CREB5: variants seen among roughly 807,000 people sequenced by gnomAD.
CREB5 encodes the protein cAMP responsive element binding protein 5.
Under a neutral mutation model 57.1 loss-of-function variants are expected in CREB5, and 19 were observed. The ratio of observed to expected loss-of-function variants is 0.33; its 90% CI spans 0.23 to 0.49. CREB5 has a LOEUF of 0.49. CREB5 is among the 20% of genes least tolerant of loss of function. The pLI is 0.99. For synonymous variants in CREB5, 238 were observed against 238.3 expected (o/e 1.00, Z 0.01); for missense variants, 579 against 671.6 (o/e 0.86, Z 1.52).
At chr7:28,451,150 G>A (rs963911174) in intron 1 of CREB5, among the ~76,000 whole-genome samples, 1 of 152,150 alleles carries the variant, frequency 6.6e-6, no homozygotes, top group Non-Finnish European at 1.5e-5. Context: ...GTGCGCAAAG[G>A]GAAGTAGAAG....
chr7:28,595,417 T>C (rs1796661217), intron 5 of CREB5, among the ~76,000 whole-genome samples: 1 of 152,198 alleles, frequency 6.6e-6, no homozygotes, highest in African/African-American at 2.4e-5. Context: ...AGGTTCTTCA[T>C]ATATAAATGA....
At chr7:28,683,711 A>G (rs1398635498) in intron 5 of CREB5, among the ~76,000 whole-genome samples, 1 of 152,062 alleles carries the variant, frequency 6.6e-6, no homozygotes, top group African/African-American at 2.4e-5. Flanking sequence ...TGAAGCTATC[A>G]TCTCCTTTGT....
intron 1 of CREB5, among the ~76,000 whole-genome samples, chr7:28,380,778 AC>A (rs1184583159): frequency 6.6e-6 from 1 of 152,202 alleles, no homozygotes; most frequent in Non-Finnish European, 1.5e-5. Context: ...TCAATGGCCC[AC>A]ATAATTTTTT....
intron 1 of CREB5, among the ~76,000 whole-genome samples, chr7:28,442,057 T>A (rs984536770): frequency 6.6e-6 from 1 of 152,058 alleles, no homozygotes; most frequent in African/African-American, 2.4e-5. Flanking sequence ...TCCTAACTCT[T>A]TGTTAACCCA....
intron 2 of CREB5, among the ~76,000 whole-genome samples, chr7:28,489,304 T>C (rs906542593): frequency 7.0e-6 from 1 of 142,278 alleles, no homozygotes; most frequent in Non-Finnish European, 1.5e-5. Context: ...TTCTTTTTTT[T>C]TTTTTTTTTT....
rs112447144 is a variant in CREB5 at position 28,332,208 on chromosome 7, A to C, written c.-25+32767A>C. Among the ~76,000 whole-genome samples the C allele has an allele frequency of 7.0e-3, 1,073 of 152,286 alleles. 11 individuals are homozygous for C. Among genetic ancestry groups the C allele is most frequent in the African/African-American group, 0.024 (1,014 of 41,558 alleles). On this transcript the variant is annotated intron_variant, in intron 1 of 9. Transcript: ENST00000396299. ...AAGTTAATAGCCACCAGAAACTGGAAGCGATTCTCCCGAGAACCTCTGTGA... is the reference window on the plus strand; with the variant it reads ...AAGTTAATAGCCACCAGAAACTGGACGCGATTCTCCCGAGAACCTCTGTGA...
At chr7:28,450,866 A>G in intron 1 of CREB5, among the ~76,000 whole-genome samples, 1 of 152,186 alleles carries the variant, frequency 6.6e-6, no homozygotes, top group East Asian at 1.9e-4. Context: ...GTAGATGCAT[A>G]TCTTTATGGC....
intron 4 of CREB5, among the ~76,000 whole-genome samples, chr7:28,516,756 A>G (rs1321290209): frequency 1.3e-5 from 2 of 152,190 alleles, no homozygotes; most frequent in African/African-American, 4.8e-5. Context: ...TGGGTCGGGT[A>G]CTCAGCTTGT....
intron 1 of CREB5, among the ~76,000 whole-genome samples, chr7:28,486,667 A>ATTTT (rs1488599298): frequency 3.2e-5 from 1 of 30,818 alleles, no homozygotes; most frequent in Non-Finnish European, 5.9e-5. Flanking sequence ...ATCTCCTATG[A>ATTTT]TTTTATATAT....
intron 4 of CREB5, among the ~76,000 whole-genome samples, chr7:28,522,174 A>G (rs930054664): frequency 3.9e-5 from 6 of 152,188 alleles, no homozygotes; most frequent in Admixed American, 1.3e-4. Context: ...GAAGCTAGTA[A>G]GTTGCAGATT....
At chr7:28,336,898 T>C (rs191734952) in intron 1 of CREB5, among the ~76,000 whole-genome samples, 107 of 152,160 alleles carry the variant, frequency 7.0e-4, no homozygotes, top group African/African-American at 2.5e-3. Context: ...TGTGTTTCCG[T>C]CATCATTTGT....
intron 4 of CREB5, among the ~76,000 whole-genome samples, chr7:28,559,606 C>T (rs914518222): frequency 1.3e-5 from 2 of 152,204 alleles, no homozygotes; most frequent in Non-Finnish European, 2.9e-5. Context: ...TGAGCCACCA[C>T]GCCCAGCCAA....
intron 5 of CREB5, among the ~76,000 whole-genome samples, chr7:28,598,556 C>T (rs1796781105): frequency 6.6e-6 from 1 of 152,132 alleles, no homozygotes; most frequent in African/African-American, 2.4e-5. Context: ...TTTCATGATG[C>T]ATTGGGTCAT....
Position 28,684,804 on chromosome 7 carries a change from C to T in CREB5, c.465-33949C>T, listed in dbSNP as rs376054236. ...TTGTGGTATTTAAAAAAAATTCTAG[C>T]GAACTTCCCATTTTCATGTTACTTT... On this transcript the variant is annotated intron_variant, in intron 5 of 10. Transcript: ENST00000357727. Among the ~76,000 whole-genome samples, 45 of 152,260 alleles carry T rather than the reference C, an allele frequency of 3.0e-4. 1 individual carries two copies. The South Asian group carries it at 8.5e-3, about 29-fold the overall frequency.
At chr7:28,717,725 C>T (rs933598820) in intron 5 of CREB5, among the ~76,000 whole-genome samples, 3 of 152,296 alleles carry the variant, frequency 2.0e-5, no homozygotes, top group East Asian at 1.9e-4. Context: ...TAGTTTCTAG[C>T]ATAACATTCA....
rs1562797074 is a variant in CREB5 at position 28,560,837 on chromosome 7, T to TGCGCGC, written c.292-9527_292-9526insCGCGCG. On this transcript the variant is annotated intron_variant, in intron 4 of 10. Coordinates refer to ENST00000357727, the MANE Select transcript of CREB5 (RefSeq NM_182898.4). ...GTGTGTGTGTGCGCGCGCGCGCGTG[T>TGCGCGC]GTGTGTGCGCGTGTGTGTGTGCGTG... Among the ~76,000 whole-genome samples the TGCGCGC allele has an allele frequency of 6.5e-5, 6 of 92,316 alleles. 1 individual carries two copies. The South Asian group carries it at 1.1e-3, about 17-fold the overall frequency. 60.6% of individuals were successfully genotyped at this position (92,316 alleles called of 152,430 possible).
At chr7:28,472,056 C>T (rs1009980097) in intron 1 of CREB5, among the ~76,000 whole-genome samples, 1 of 151,466 alleles carries the variant, frequency 6.6e-6, no homozygotes, top group Non-Finnish European at 1.5e-5. Flanking sequence ...CAAATCTAAC[C>T]TATGGAGAGA....
At chr7:28,584,839 G>T (rs1796252306) in intron 5 of CREB5, among the ~76,000 whole-genome samples, 1 of 151,604 alleles carries the variant, frequency 6.6e-6, no homozygotes, top group Non-Finnish European at 1.5e-5. Context: ...AGATGTGGGG[G>T]ATAAATACAT....
At chr7:28,613,250 A>G (rs953532595) in intron 5 of CREB5, among the ~76,000 whole-genome samples, 3 of 152,212 alleles carry the variant, frequency 2.0e-5, no homozygotes, top group African/African-American at 7.2e-5. Flanking sequence ...TCGCATTGCA[A>G]ATGTGTGACC....
Sources: allele counts gnomAD v4.1 joint callset (sites outside exome capture counted in the v4.1 genomes callset), GRCh38; gene constraint gnomAD v4.1.1; transcripts MANE v1.5; gene names NCBI Gene and HGNC (gene_info 2026-07-23, HGNC 2026-07-21).